SGCZ: variants seen among roughly 807,000 people sequenced by gnomAD.
SGCZ encodes zeta-sarcoglycan.
A neutral mutation model predicts 41.3 loss-of-function variants in SGCZ; 40 were observed. That is an observed-to-expected ratio of 0.97 (90% CI 0.75 to 1.26). The LOEUF (loss-of-function observed/expected upper bound fraction) is 1.26, where lower values mean the gene tolerates loss of function less well. Ranked by LOEUF, SGCZ falls within the 50% of genes most tolerant of loss-of-function variation. The pLI, the probability that SGCZ is intolerant of heterozygous loss-of-function variation, is 0.00. For missense variants in SGCZ, 552 were observed against 369.8 expected, an observed-to-expected ratio of 1.49 and a Z score of -4.04; for synonymous variants, 206 against 137.5, an observed-to-expected ratio of 1.50 and a Z score of -3.49.
chr8:14,585,535 C>G (rs977600326), intron 1 of SGCZ, among the ~76,000 whole-genome samples: 15 of 151,908 alleles, frequency 9.9e-5, no homozygotes, highest in Non-Finnish European at 2.1e-4. Flanking sequence ...TGTTAAGAGA[C>G]TTGAAATGGA....
chr8:14,497,325 G>A (rs1431280066), intron 2 of SGCZ, among the ~76,000 whole-genome samples: 2 of 152,190 alleles, frequency 1.3e-5, no homozygotes, highest in Non-Finnish European at 2.9e-5. Flanking sequence ...GGTCAGAGAG[G>A]GAGCAAGAGA....
At position 14,465,113 on chromosome 8, in the gene SGCZ, G is replaced by A. The variant is rs35096687; in HGVS notation, c.234+89619C>T. Among the ~76,000 whole-genome samples the A allele has an allele frequency of 4.2e-3, 641 of 151,622 alleles. 5 individuals are homozygous for A. Among genetic ancestry groups the A allele is most frequent in the Non-Finnish European group, 8.0e-3 (543 of 67,622 alleles). On this transcript the variant is annotated intron_variant, in intron 2 of 7. Coordinates refer to ENST00000382080, the MANE Select transcript of SGCZ (RefSeq NM_139167.4). ...ATATCCAGTTTATTGCATTGTTCATGTCCCCTAATTCCTTACTTCTGATGT... is the reference window on the plus strand; with the variant it reads ...ATATCCAGTTTATTGCATTGTTCATATCCCCTAATTCCTTACTTCTGATGT...
At chr8:14,444,969 G>T (rs75010546) in intron 2 of SGCZ, among the ~76,000 whole-genome samples, 2,338 of 152,102 alleles carry the variant, frequency 0.015, 34 homozygotes, top group Middle Eastern at 0.044. Context: ...CTCAAATTTG[G>T]CCCAAGACGC....
chr8:14,892,002 T>C (rs1290566924), intron 1 of SGCZ, among the ~76,000 whole-genome samples: 2 of 152,276 alleles, frequency 1.3e-5, no homozygotes, highest in African/African-American at 4.8e-5. Flanking sequence ...AACTTTTACA[T>C]GCACTGGGCA....
intron 1 of SGCZ, among the ~76,000 whole-genome samples, chr8:14,709,039 G>A (rs1354660584): frequency 6.6e-6 from 1 of 151,998 alleles, no homozygotes; most frequent in Non-Finnish European, 1.5e-5. Flanking sequence ...CAGATTCAAA[G>A]GCCAAATATT....
At chr8:15,183,193 G>C (rs1320397921) in intron 1 of SGCZ, among the ~76,000 whole-genome samples, 2 of 152,278 alleles carry the variant, frequency 1.3e-5, no homozygotes, top group Non-Finnish European at 2.9e-5. Flanking sequence ...ACACTCTAAA[G>C]TATGCATCAA....
chr8:14,676,266 C>A (rs1429270544), intron 1 of SGCZ, among the ~76,000 whole-genome samples: 1 of 151,960 alleles, frequency 6.6e-6, no homozygotes, highest in East Asian at 1.9e-4. Flanking sequence ...AAGGCCAATG[C>A]AGAAAGATCT....
rs143977036 is a variant in SGCZ at position 14,625,726 on chromosome 8, T to C, written c.40-70800A>G. Among the ~76,000 whole-genome samples the C allele has an allele frequency of 6.5e-4, 99 of 152,216 alleles. 2 individuals are homozygous for C. The highest frequency in any genetic ancestry group is 1.7e-3 in the African/African-American group (72 of 41,540). ...GATTAAAGGCATGAGCCAGCACACC[T>C]GGCTAGAAGTGAACAGTGTAAGAAT... On this transcript the variant is annotated intron_variant, in intron 1 of 7. Coordinates refer to ENST00000382080, the MANE Select transcript of SGCZ (RefSeq NM_139167.4).
At chr8:14,662,044 A>T (rs991074384) in intron 1 of SGCZ, among the ~76,000 whole-genome samples, 2 of 152,196 alleles carry the variant, frequency 1.3e-5, no homozygotes, top group Non-Finnish European at 2.9e-5. Flanking sequence ...TAAGTAAATA[A>T]GTAGAAGAAG....
intron 1 of SGCZ, among the ~76,000 whole-genome samples, chr8:15,056,522 C>A (rs779436595): frequency 1.3e-5 from 2 of 148,670 alleles, no homozygotes; most frequent in Admixed American, 6.7e-5. Context: ...TTTCTGTCTT[C>A]TTTGCCTTAA....
At chr8:14,589,611 G>C (rs1428685621) in intron 1 of SGCZ, among the ~76,000 whole-genome samples, 1 of 152,064 alleles carries the variant, frequency 6.6e-6, no homozygotes, top group Admixed American at 6.6e-5. Context: ...TGAGGGAGAA[G>C]TATGACTAAT....
chr8:14,545,541 C>A (rs1046468845), intron 2 of SGCZ, among the ~76,000 whole-genome samples: 5 of 151,826 alleles, frequency 3.3e-5, no homozygotes, highest in Non-Finnish European at 5.9e-5. Context: ...TTAAGATATA[C>A]TATATGCTAT....
chr8:14,694,466 C>A (rs1379930207), intron 1 of SGCZ, among the ~76,000 whole-genome samples: 1 of 152,148 alleles, frequency 6.6e-6, no homozygotes, highest in Non-Finnish European at 1.5e-5. Flanking sequence ...AAGAACCAGT[C>A]CTTCAGGGCT....
intron 1 of SGCZ, among the ~76,000 whole-genome samples, chr8:14,909,459 T>G (rs1475275191): frequency 1.3e-5 from 2 of 152,174 alleles, no homozygotes; most frequent in African/African-American, 4.8e-5. Context: ...ATTTTGTTTC[T>G]TTTTCTTTTA....
chr8:15,203,463 A>C (rs116952430), intron 1 of SGCZ, among the ~76,000 whole-genome samples: 71 of 152,286 alleles, frequency 4.7e-4, no homozygotes, highest in Non-Finnish European at 7.8e-4. Flanking sequence ...AATACACCGG[A>C]TTGAGGGCAA....
intron 1 of SGCZ, among the ~76,000 whole-genome samples, chr8:14,789,965 TAA>T (rs1217682076): frequency 1.3e-5 from 2 of 152,196 alleles, no homozygotes; most frequent in African/African-American, 4.8e-5. Context: ...TGGTGTTACA[TAA>T]ATGTACATTG....
chr8:14,109,839 AACTT>A (rs1343147957), intron 5 of SGCZ, among the ~76,000 whole-genome samples: 3 of 152,094 alleles, frequency 2.0e-5, no homozygotes, highest in Admixed American at 6.6e-5. Flanking sequence ...GCTGAGGGCA[AACTT>A]ACTTACCAGG....
At chr8:14,201,117 A>G (rs1805440927) in intron 4 of SGCZ, among the ~76,000 whole-genome samples, 1 of 152,312 alleles carries the variant, frequency 6.6e-6, no homozygotes, top group East Asian at 1.9e-4. Context: ...TAAATGGTGA[A>G]ATAGCAAGTT....
At position 14,761,847 on chromosome 8, in the gene SGCZ, T is replaced by C. The variant is rs183336683; in HGVS notation, c.40-206921A>G. Among the ~76,000 whole-genome samples, 286 of 152,224 alleles carry C rather than the reference T, an allele frequency of 1.9e-3. 1 individual carries two copies. Among genetic ancestry groups the C allele is most frequent in the African/African-American group, 6.4e-3 (266 of 41,538 alleles). On this transcript the variant is annotated intron_variant, in intron 1 of 7. Coordinates refer to ENST00000382080, the MANE Select transcript of SGCZ (RefSeq NM_139167.4). ...CACATCCGGCCCTGAATTGCAGATG[T>C]TTCTAATCTAGATAAGTTTTGAACT...
Sources: allele counts gnomAD v4.1 joint callset (sites outside exome capture counted in the v4.1 genomes callset), GRCh38; gene constraint gnomAD v4.1.1; transcripts MANE v1.5; gene names NCBI Gene and HGNC (gene_info 2026-07-23, HGNC 2026-07-21).